Variants in KCNH7 observed in about 807,000 individuals in gnomAD.
The protein encoded by KCNH7 is voltage-gated inwardly rectifying potassium channel KCNH7.
KCNH7 carries 49 observed loss-of-function variants against 120.8 expected under a neutral mutation model. The ratio of observed to expected loss-of-function variants is 0.41; its 90% confidence interval spans 0.32 to 0.51. KCNH7 has a LOEUF of 0.51. KCNH7 is among the 20% of genes least tolerant of loss of function. The pLI, the probability that KCNH7 is intolerant of heterozygous loss-of-function variation, is 0.38. For synonymous variants in KCNH7, 547 were observed against 516.1 expected, an observed-to-expected ratio of 1.06 and a Z score of -0.81; for missense variants, 1,097 against 1,446.6, an observed-to-expected ratio of 0.76 and a Z score of 3.92.
intron 2 of KCNH7, among the ~76,000 whole-genome samples, chr2:162,610,363 C>T (rs932544623): frequency 2.6e-5 from 4 of 152,118 alleles, no homozygotes; most frequent in African/African-American, 9.7e-5. Flanking sequence ...GCTTTCCACA[C>T]CATCTTCAAG....
intron 2 of KCNH7, among the ~76,000 whole-genome samples, chr2:162,638,601 C>T (rs192219658): frequency 2.3e-4 from 35 of 151,992 alleles, no homozygotes; most frequent in Non-Finnish European, 4.3e-4. Context: ...AAATCAAAGT[C>T]GAAAGAAGCG....
intron 2 of KCNH7, among the ~76,000 whole-genome samples, chr2:162,713,606 G>A (rs942611915): frequency 9.2e-5 from 14 of 152,036 alleles, no homozygotes; most frequent in Non-Finnish European, 1.9e-4. Context: ...CTTGAGGGTA[G>A]ATTTTTAATT....
chr2:162,617,882 A>G (rs1683206271), intron 2 of KCNH7, among the ~76,000 whole-genome samples: 1 of 152,074 alleles, frequency 6.6e-6, no homozygotes, highest in Non-Finnish European at 1.5e-5. Context: ...ATTTTTTTCT[A>G]ATTTCTTGTC....
At chr2:162,373,919 G>A (rs1686060859) in intron 14 of KCNH7, among the ~76,000 whole-genome samples, 2 of 152,112 alleles carry the variant, frequency 1.3e-5, no homozygotes, top group African/African-American at 4.8e-5. Flanking sequence ...TAGACTACAT[G>A]TTTACTAACC....
At chr2:162,750,294 A>C (rs1463893503) in intron 2 of KCNH7, among the ~76,000 whole-genome samples, 1 of 150,812 alleles carries the variant, frequency 6.6e-6, no homozygotes, top group Admixed American at 6.6e-5. Context: ...AAGGCCCTAG[A>C]ACTTAACTTT....
chr2:162,687,695 C>T (rs1413042256), intron 2 of KCNH7, among the ~76,000 whole-genome samples: 6 of 152,212 alleles, frequency 3.9e-5, no homozygotes, highest in African/African-American at 1.4e-4. Context: ...TATTAGCACA[C>T]CACTGGTAAA....
At chr2:162,576,732 T>C (rs1303106890) in intron 2 of KCNH7, among the ~76,000 whole-genome samples, 2 of 151,880 alleles carry the variant, frequency 1.3e-5, no homozygotes, top group East Asian at 3.9e-4. Context: ...TAGCAAAGAC[T>C]CTAATGATGA....
chr2:162,525,039 A>G lies in KCNH7; in HGVS notation c.464-6881T>C, dbSNP rs181682207. Among the ~76,000 whole-genome samples the G allele has an allele frequency of 3.9e-3, 552 of 142,246 alleles. 4 individuals are homozygous for G. Among genetic ancestry groups the G allele is most frequent in the African/African-American group, 0.013 (537 of 40,790 alleles). 93.3% of individuals were successfully genotyped at this position (142,246 alleles called of 152,430 possible). On this transcript the variant is annotated intron_variant, in intron 3 of 15. Transcript: ENST00000332142. ...CCAGCGCAGGCCTGGTGTCAGTGAT[A>G]ACAAAAGATCACCAGGGAGTCCACT...
At chr2:162,544,470 C>A (rs1692411974) in intron 2 of KCNH7, among the ~76,000 whole-genome samples, 1 of 152,102 alleles carries the variant, frequency 6.6e-6, no homozygotes, top group African/African-American at 2.4e-5. Context: ...TTATCATCCC[C>A]ATTAGGCAGT....
intron 8 of KCNH7, among the ~76,000 whole-genome samples, chr2:162,425,195 G>A (rs958327958): frequency 1.4e-4 from 21 of 152,098 alleles, no homozygotes; most frequent in Admixed American, 1.2e-3. Flanking sequence ...CCCAGTTACT[G>A]AGTACAGATC....
intron 2 of KCNH7, among the ~76,000 whole-genome samples, chr2:162,581,102 G>A (rs1190307392): frequency 2.0e-5 from 3 of 152,034 alleles, no homozygotes; most frequent in African/African-American, 4.8e-5. Context: ...GCCATAGTGG[G>A]TAATGGTGGC....
chr2:162,720,943 T>C (rs2105373274), intron 2 of KCNH7, among the ~76,000 whole-genome samples: 1 of 152,286 alleles, frequency 6.6e-6, no homozygotes, highest in South Asian at 2.1e-4. Context: ...ATTAGCATTT[T>C]CTCTATCATT....
At chr2:162,725,247 T>C (rs1471076483) in intron 2 of KCNH7, among the ~76,000 whole-genome samples, 1 of 152,224 alleles carries the variant, frequency 6.6e-6, no homozygotes, top group Non-Finnish European at 1.5e-5. Flanking sequence ...ATTCCTATTG[T>C]AACTGTTTAA....
chr2:162,796,732 T>C (rs1205426602), intron 2 of KCNH7: 1 of 152,070 alleles, frequency 6.6e-6, no homozygotes, highest in Non-Finnish European at 1.5e-5. Context: ...TAATCACAAC[T>C]CCTGTGCACC....
intron 8 of KCNH7, among the ~76,000 whole-genome samples, chr2:162,430,196 C>T (rs1311678906): frequency 6.6e-6 from 1 of 151,870 alleles, no homozygotes; most frequent in Admixed American, 6.6e-5. Flanking sequence ...CTACCAAATA[C>T]CCTGGATGTT....
chr2:162,608,114 G>T (rs1574163126), intron 2 of KCNH7, among the ~76,000 whole-genome samples: 1 of 152,102 alleles, frequency 6.6e-6, no homozygotes, highest in East Asian at 1.9e-4. Context: ...TGTTTACAAA[G>T]TATGTTTACA....
intron 2 of KCNH7, among the ~76,000 whole-genome samples, chr2:162,544,128 G>A (rs1692400781): frequency 6.6e-6 from 1 of 152,072 alleles, no homozygotes; most frequent in Admixed American, 6.6e-5. Context: ...CCTTTGCAGT[G>A]ATGAGGCCCT....
chr2:162,536,670 C>A (rs1388300027), intron 3 of KCNH7, among the ~76,000 whole-genome samples: 1 of 151,954 alleles, frequency 6.6e-6, no homozygotes, highest in East Asian at 1.9e-4. Flanking sequence ...AGTTTGAAAA[C>A]AACCTAAATG....
intron 2 of KCNH7, among the ~76,000 whole-genome samples, chr2:162,801,190 G>C (rs937373014): frequency 6.6e-6 from 1 of 151,580 alleles, no homozygotes; most frequent in Non-Finnish European, 1.5e-5. Flanking sequence ...GTAAAATAAT[G>C]CTATTCTAAA....
Sources: gnomAD v4.1 joint callset for allele counts (sites outside exome capture counted in the v4.1 genomes callset) on GRCh38, gnomAD v4.1.1 for gene constraint, MANE v1.5 for transcripts, NCBI Gene and HGNC (gene_info 2026-07-23, HGNC 2026-07-21) for gene names.